BTBD3: variants seen among roughly 807,000 people sequenced by gnomAD.
The protein encoded by BTBD3 is BTB/POZ domain-containing protein 3.
BTBD3 carries 14 observed loss-of-function variants against 41.6 expected under a neutral mutation model. The ratio of observed to expected loss-of-function variants is 0.34; its 90% confidence interval spans 0.22 to 0.53. BTBD3 has a LOEUF of 0.53. BTBD3 is among the 20% of genes least tolerant of loss of function. The pLI is 0.95. For missense variants in BTBD3, 426 were observed against 654.7 expected, an observed-to-expected ratio of 0.65 and a Z score of 3.81; for synonymous variants, 249 against 233.7, an observed-to-expected ratio of 1.07 and a Z score of -0.60.
rs1404759127 is a variant in BTBD3, at chr20:11,924,754, T to C, written c.*1088T>C. 2 of 152,654 alleles carry C rather than the reference T, an allele frequency of 1.3e-5. No homozygotes were observed. The highest frequency in any genetic ancestry group is 2.9e-5 in the Non-Finnish European group (2 of 68,040). 9.5% of individuals were successfully genotyped at this position (152,654 alleles called of 1,614,324 possible). On this transcript the variant is annotated 3_prime_UTR_variant, in exon 4 of 4. Coordinates refer to ENST00000378226, the MANE Select transcript of BTBD3 (RefSeq NM_014962.4). ...CTTTACCTGATCCACTTTGATTGTA[T>C]ACTATATTCTTTGTTAATTTTAATT... is the stretch of plus-strand genomic sequence containing the variant.
At chr20:11,891,617 T>A (rs903880064) in intron 1 of BTBD3, among the ~76,000 whole-genome samples, 22 of 152,168 alleles carry the variant, frequency 1.4e-4, no homozygotes, top group African/African-American at 5.3e-4. Context: ...GTGGCCCGTT[T>A]GCTCTAAAAA....
chr20:11,915,474 T>C (rs2056912324), upstream of BTBD3, among the ~76,000 whole-genome samples: 1 of 152,192 alleles, frequency 6.6e-6, no homozygotes, highest in Non-Finnish European at 1.5e-5. Context: ...TAGTAGTCAG[T>C]AGTTATCTAT....
intron 1 of BTBD3, among the ~76,000 whole-genome samples, chr20:11,907,304 A>C (rs1227428695): frequency 2.6e-5 from 4 of 152,156 alleles, no homozygotes; most frequent in Non-Finnish European, 5.9e-5. Context: ...TGTTCAGGAG[A>C]GCCCCAGGAC....
intron 1 of BTBD3, chr20:11,892,635 C>T (rs986587550): frequency 1.3e-5 from 2 of 152,142 alleles, no homozygotes; most frequent in African/African-American, 4.8e-5. Context: ...TACTAGCAGC[C>T]ATGTTCTTTC....
chr20:11,923,729 C>A lies in BTBD3; in HGVS notation c.*63C>A. 7.1e-7 allele frequency: 1 copy of A among 1,410,500 alleles called. No individual in the cohort carries two copies. Among genetic ancestry groups the A allele is most frequent in the Non-Finnish European group, 9.7e-7 (1 of 1,033,940 alleles). 87.4% of individuals were successfully genotyped at this position (1,410,500 alleles called of 1,614,324 possible). A position where few individuals can be genotyped will look rare whatever the true frequency, so the allele number is the denominator to read the frequency against. ...ACATCTGGTTCCAACTTGCCTGATG[C>A]TTAGCTCATCTGCAAATATGTGATC... On this transcript the variant is annotated 3_prime_UTR_variant, in exon 4 of 4. Transcript: ENST00000378226. This position sits in a 1 kb window ranked among gnomAD's most constrained non-coding sequence, Gnocchi z 5.3.
rs1243591600 is a variant in BTBD3 at position 11,919,186 on chromosome 20, A to G, written c.417+10A>G. 2 of 1,611,880 alleles carry G rather than the reference A, an allele frequency of 1.2e-6. No homozygotes were observed. The highest frequency in any genetic ancestry group is 1.7e-6 in the Non-Finnish European group (2 of 1,178,310). ...GTTGCCAGGACACAAAGTAAGCAAC[A>G]GCTGCATGACCGGTTTAGTCCTGAC... is the stretch of plus-strand genomic sequence containing the variant. On this transcript the variant is annotated intron_variant, in intron 2 of 3. Coordinates refer to ENST00000378226, the MANE Select transcript of BTBD3 (RefSeq NM_014962.4).
At position 11,925,544 on chromosome 20, in the gene BTBD3, C is replaced by T. The variant is rs201771724; in HGVS notation, c.*1878C>T. On this transcript the variant is annotated 3_prime_UTR_variant, in exon 4 of 4. Coordinates refer to ENST00000378226, the MANE Select transcript of BTBD3 (RefSeq NM_014962.4). ...TTTCCAGGACAACGTTCTAAAAGTA[C>T]AATTATTTCTTATTGGGGAGATTAC... 14 of 152,712 alleles carry T rather than the reference C, an allele frequency of 9.2e-5. No individual in the cohort carries two copies. In the East Asian group the frequency reaches 2.5e-3, roughly 27 times the overall value. 9.5% of individuals were successfully genotyped at this position (152,712 alleles called of 1,614,324 possible). A position where few individuals can be genotyped will look rare whatever the true frequency, so the allele number is the denominator to read the frequency against.
exon 1 of BTBD3, chr20:11,890,840 C>G (rs1199930829): frequency 2.0e-6 from 2 of 985,092 alleles, no homozygotes; most frequent in Non-Finnish European, 1.2e-6. Flanking sequence ...CGTGCGGGTG[C>G]CCGCCGAGCC....
chr20:11,913,157 C>T (rs1269938728), upstream of BTBD3, among the ~76,000 whole-genome samples: 1 of 152,214 alleles, frequency 6.6e-6, no homozygotes, highest in Middle Eastern at 3.2e-3. Context: ...GTTAACCTCA[C>T]TGCTGTTGCT....
At chr20:11,919,559 C>A in intron 2 of BTBD3, 159 bp from the exon 3 acceptor site, 3 of 1,114,448 alleles carry the variant, frequency 2.7e-6, no homozygotes, top group South Asian at 3.3e-5. Context: ...TCTTATGCTT[C>A]CATGGCAAGC....
chr20:11,895,611 T>C (rs2056782043), intron 1 of BTBD3, among the ~76,000 whole-genome samples: 1 of 152,158 alleles, frequency 6.6e-6, no homozygotes, highest in Non-Finnish European at 1.5e-5. Flanking sequence ...ATTCTCTGTG[T>C]AGAGTCATGT....
In BTBD3 at chr20:11,918,336, A is replaced by G. The variant is rs1450059120; in HGVS notation, c.61A>G (p.Thr21Ala). 1 of 1,611,894 alleles carries G rather than the reference A, an allele frequency of 6.2e-7. No individual in the cohort carries two copies. Among genetic ancestry groups the G allele is most frequent in the East Asian group, 2.2e-5 (1 of 44,878 alleles). ...CLTFFLMLPE[T>A]VKNRSKKSSK... Reference sequence around the variant, plus strand: ...CACCTTCTTCTTGATGCTTCCAGAGACGGTAAAGAACAGGTCCAAGAAAAG... The same window carrying G: ...CACCTTCTTCTTGATGCTTCCAGAGGCGGTAAAGAACAGGTCCAAGAAAAG... Residue 21 changes from threonine (T) to alanine (A), a missense_variant, in exon 1 of 4, where the codon ACG becomes GCG. Physicochemically the swap from Thr to Ala is moderately conservative, Grantham distance 58 (BLOSUM62 0). Transcript: ENST00000378226.
chr20:11,892,005 C>A (rs905724133), intron 1 of BTBD3, among the ~76,000 whole-genome samples: 9 of 152,044 alleles, frequency 5.9e-5, no homozygotes, highest in African/African-American at 1.4e-4. Context: ...ATCGCGCAGC[C>A]GAGTTTGGAA....
chr20:11,923,567 G>A lies in BTBD3; in HGVS notation c.1470G>A (p.Gln490=). The A allele has an allele frequency of 1.2e-6, 2 of 1,614,198 alleles. No homozygotes were observed. Among genetic ancestry groups the A allele is most frequent in the South Asian group, 2.2e-5 (2 of 91,082 alleles). The change falls in exon 4 of 4, where the codon CAG becomes CAA. Residue 490 remains glutamine (Q), a synonymous_variant. Coordinates refer to ENST00000378226, the MANE Select transcript of BTBD3 (RefSeq NM_014962.4). The surrounding 1 kb of genome is among the most constrained non-coding windows in gnomAD (Gnocchi z 5.3). ...GACAAGAAGGCATGACAGAAGTTCAGTGTGGCAAAGTGACTGTCCAGTTTC... is the reference window on the plus strand; with the variant it reads ...GACAAGAAGGCATGACAGAAGTTCAATGTGGCAAAGTGACTGTCCAGTTTC... The part of the protein sequence containing the change: ...YFGQEGMTEV[Q]CGKVTVQFQC...
chr20:11,916,976 A>C (rs910593118), upstream of BTBD3, among the ~76,000 whole-genome samples: 5 of 152,200 alleles, frequency 3.3e-5, no homozygotes, highest in African/African-American at 1.2e-4. Context: ...ATATTCTTCT[A>C]ATTCAAAGCA....
intron 1 of BTBD3, among the ~76,000 whole-genome samples, chr20:11,896,608 A>T (rs1231489895): frequency 6.6e-6 from 1 of 152,186 alleles, no homozygotes; most frequent in African/African-American, 2.4e-5. Flanking sequence ...TTTTTGGTTT[A>T]TCATAATTCT....
chr20:11,901,821 T>C (rs997739259), intron 1 of BTBD3, among the ~76,000 whole-genome samples: 1 of 152,172 alleles, frequency 6.6e-6, no homozygotes, highest in Non-Finnish European at 1.5e-5. Context: ...GAAAATGAGA[T>C]GCTCAAGATA....
At chr20:11,908,735 A>G (rs2056871503) in intron 1 of BTBD3, among the ~76,000 whole-genome samples, 1 of 152,060 alleles carries the variant, frequency 6.6e-6, no homozygotes, top group African/African-American at 2.4e-5. Context: ...ATGGAACCTC[A>G]ATTTTTATTC....
chr20:11,911,168 C>G (rs2056887079), intron 1 of BTBD3, among the ~76,000 whole-genome samples: 1 of 151,908 alleles, frequency 6.6e-6, no homozygotes, highest in Non-Finnish European at 1.5e-5. Context: ...CTAATAGTTA[C>G]ACTCATGAGA....
Sources: gnomAD v4.1 joint callset for allele counts (sites outside exome capture counted in the v4.1 genomes callset) on GRCh38, gnomAD v4.1.1 for gene constraint, Gnocchi (gnomAD v3.1) non-coding constraint, MANE v1.5 for transcripts, NCBI Gene and HGNC (gene_info 2026-07-23, HGNC 2026-07-21) for gene names.